The following LINGO2 variants were observed in gnomAD, a reference collection of about 807,000 sequenced individuals.
LINGO2 encodes the protein leucine-rich repeat and immunoglobulin-like domain-containing nogo receptor-interacting protein 2.
LINGO2 carries 14 observed loss-of-function variants against 30.6 expected under a neutral mutation model. That is an observed-to-expected ratio of 0.46 (90% CI 0.30 to 0.72). The LOEUF is 0.72. Ranked by LOEUF, LINGO2 falls within the 30% of genes least tolerant of loss-of-function variation. LINGO2 has a pLI of 0.07. For missense variants in LINGO2, 729 were observed against 751.7 expected (o/e 0.97, Z 0.35); for synonymous variants, 317 against 288.5 (o/e 1.10, Z -1.00).
At chr9:28,091,630 A>G (rs911942948) in intron 4 of LINGO2, among the ~76,000 whole-genome samples, 2 of 152,226 alleles carry the variant, frequency 1.3e-5, no homozygotes, top group African/African-American at 2.4e-5. Flanking sequence ...CATTCAGGAC[A>G]TAGACATGGG....
chr9:28,358,714 C>CAGACCA (rs1820327479), intron 3 of LINGO2, among the ~76,000 whole-genome samples: 1 of 152,140 alleles, frequency 6.6e-6, no homozygotes, highest in African/African-American at 2.4e-5. Context: ...CAGTGGTACC[C>CAGACCA]AGACCACAGG....
chr9:29,004,304 A>C, the LINGO2 span, among the ~76,000 whole-genome samples: 1 of 151,944 alleles, frequency 6.6e-6, no homozygotes, highest in African/African-American at 2.4e-5. Context: ...ATAACATTTT[A>C]TGGTATTTTA....
At chr9:28,632,249 A>G (rs1826980448) in intron 1 of LINGO2, among the ~76,000 whole-genome samples, 1 of 152,136 alleles carries the variant, frequency 6.6e-6, no homozygotes, top group South Asian at 2.1e-4. Context: ...CATACGTTAA[A>G]GTGGGAGAGA....
At chr9:28,728,585 G>T in the LINGO2 span, among the ~76,000 whole-genome samples, 1 of 152,114 alleles carries the variant, frequency 6.6e-6, no homozygotes, top group East Asian at 1.9e-4. Flanking sequence ...ATTTCGGACT[G>T]AACTGTCAGC....
the LINGO2 span, among the ~76,000 whole-genome samples, chr9:29,078,727 A>G: frequency 6.6e-6 from 1 of 151,950 alleles, no homozygotes; most frequent in Non-Finnish European, 1.5e-5. Flanking sequence ...GTACTCATTT[A>G]TTCTGAAAGT....
the LINGO2 span, among the ~76,000 whole-genome samples, chr9:28,706,037 A>T: frequency 6.6e-6 from 1 of 152,252 alleles, no homozygotes; most frequent in Middle Eastern, 3.4e-3. Context: ...TTTTCAGACA[A>T]TAAAAATAAT....
the LINGO2 span, among the ~76,000 whole-genome samples, chr9:28,688,092 C>T: frequency 6.6e-6 from 1 of 152,144 alleles, no homozygotes; most frequent in Non-Finnish European, 1.5e-5. Context: ...TATGCGCACT[C>T]CCCTATTTAC....
chr9:28,511,783 C>G (rs1013970696), intron 1 of LINGO2, among the ~76,000 whole-genome samples: 1 of 152,196 alleles, frequency 6.6e-6, no homozygotes, highest in Non-Finnish European at 1.5e-5. Flanking sequence ...GAATGGCACA[C>G]CTGGCCTCCA....
At chr9:28,557,404 C>G (rs1369995906) in intron 1 of LINGO2, among the ~76,000 whole-genome samples, 1 of 152,066 alleles carries the variant, frequency 6.6e-6, no homozygotes, top group African/African-American at 2.4e-5. Flanking sequence ...AAATGCTCAT[C>G]ATCACTGGCC....
intron 4 of LINGO2, among the ~76,000 whole-genome samples, chr9:28,029,664 G>A (rs930966193): frequency 6.6e-6 from 1 of 152,164 alleles, no homozygotes; most frequent in Non-Finnish European, 1.5e-5. Flanking sequence ...AGAATTTATT[G>A]AGATAGTCAA....
the LINGO2 span, among the ~76,000 whole-genome samples, chr9:29,083,177 C>A: frequency 2.0e-5 from 3 of 152,130 alleles, no homozygotes; most frequent in East Asian, 5.8e-4. Context: ...AAACTTGGAA[C>A]CAACCCAAAT....
intron 4 of LINGO2, among the ~76,000 whole-genome samples, chr9:28,153,849 T>C (rs2133566604): frequency 6.6e-6 from 1 of 152,230 alleles, no homozygotes; most frequent in Admixed American, 6.5e-5. Flanking sequence ...GGATACTATA[T>C]CCTAGGAAGG....
intron 4 of LINGO2, among the ~76,000 whole-genome samples, chr9:28,016,754 C>T (rs974001151): frequency 6.6e-6 from 1 of 150,812 alleles, no homozygotes; most frequent in Non-Finnish European, 1.5e-5. Context: ...CTGAATTCTA[C>T]CACATGTATA....
chr9:29,120,452 CTTTA>C, the LINGO2 span, among the ~76,000 whole-genome samples: 16 of 152,262 alleles, frequency 1.1e-4, 1 homozygote, highest in East Asian at 1.9e-4. Flanking sequence ...ATCATTTTCA[CTTTA>C]TTTGTCATAT....
At chr9:28,214,483 A>C (rs1820697641) in intron 4 of LINGO2, among the ~76,000 whole-genome samples, 1 of 151,628 alleles carries the variant, frequency 6.6e-6, no homozygotes. Flanking sequence ...GAAAAATCTT[A>C]GAATGTGTTT....
chr9:28,125,803 G>A (rs548245897), intron 4 of LINGO2, among the ~76,000 whole-genome samples: 2 of 152,300 alleles, frequency 1.3e-5, no homozygotes, highest in African/African-American at 4.8e-5. Context: ...GCCTAAGGCT[G>A]ATCAATCACT....
chr9:28,463,978 G>A lies in LINGO2; in HGVS notation c.-279+11962C>T, dbSNP rs148755699. ...GTACTTCACATTATGCCTGTATAAG[G>A]AGGAAATCCATAAGTTATAGAGAAT... On this transcript the variant is annotated intron_variant, in intron 2 of 5. Coordinates refer to ENST00000379992, the Ensembl canonical transcript of LINGO2. Among the ~76,000 whole-genome samples the A allele has an allele frequency of 7.5e-4, 114 of 152,166 alleles. 1 individual carries two copies. The highest frequency in any genetic ancestry group is 2.5e-3 in the African/African-American group (103 of 41,522).
chr9:27,958,686 A>G (rs1052442330), intron 5 of LINGO2, among the ~76,000 whole-genome samples: 6 of 152,140 alleles, frequency 3.9e-5, no homozygotes, highest in Non-Finnish European at 7.4e-5. Flanking sequence ...ATACATAGGG[A>G]AAAACATAGT....
At chr9:28,483,129 T>G (rs1826041100) in intron 1 of LINGO2, among the ~76,000 whole-genome samples, 1 of 152,090 alleles carries the variant, frequency 6.6e-6, no homozygotes, top group South Asian at 2.1e-4. Flanking sequence ...AAGTTCAGGA[T>G]AGGTAGATTC....
Sources: allele counts gnomAD v4.1 joint callset (sites outside exome capture counted in the v4.1 genomes callset), GRCh38; gene constraint gnomAD v4.1.1; transcripts MANE v1.5; gene names NCBI Gene and HGNC (gene_info 2026-07-23, HGNC 2026-07-21).